The following CYRIA variants were observed in gnomAD, a reference collection of about 807,000 sequenced individuals.
The protein encoded by CYRIA is CYFIP-related Rac1 interactor A.
A neutral mutation model predicts 43.9 loss-of-function variants in CYRIA; 15 were observed. That is an observed-to-expected ratio of 0.34 (90% CI 0.23 to 0.53). The LOEUF (loss-of-function observed/expected upper bound fraction) is 0.53. CYRIA is among the 20% of genes least tolerant of loss of function. The pLI is 0.94. For missense variants in CYRIA, 236 were observed against 394.2 expected, an observed-to-expected ratio of 0.60 and a Z score of 3.40; for synonymous variants, 117 against 136.0, an observed-to-expected ratio of 0.86 and a Z score of 0.97.
chr2:16,557,868 T>C (rs1370565887), intron 10 of CYRIA, among the ~76,000 whole-genome samples: 1 of 152,114 alleles, frequency 6.6e-6, no homozygotes, highest in Non-Finnish European at 1.5e-5. Context: ...ATCTTATGAG[T>C]CTCAGGTAAT....
chr2:16,647,521 C>T (rs552445921), intron 1 of CYRIA, among the ~76,000 whole-genome samples: 12 of 152,284 alleles, frequency 7.9e-5, no homozygotes, highest in African/African-American at 2.4e-4. Context: ...GCTTAGCACA[C>T]GATGTGTCCT....
chr2:16,582,365 A>C (rs1667581068), intron 3 of CYRIA, among the ~76,000 whole-genome samples: 1 of 152,240 alleles, frequency 6.6e-6, no homozygotes, highest in South Asian at 2.1e-4. Context: ...GATTTAATTC[A>C]CGTGCCATAC....
At chr2:16,560,145 T>A (rs145753256) in intron 9 of CYRIA, among the ~76,000 whole-genome samples, 2 of 152,192 alleles carry the variant, frequency 1.3e-5, no homozygotes, top group African/African-American at 2.4e-5. Context: ...ATGATTCAGA[T>A]AATTCAGGCC....
At chr2:16,566,745 C>T (rs1283562216) in intron 3 of CYRIA, among the ~76,000 whole-genome samples, 3 of 152,144 alleles carry the variant, frequency 2.0e-5, no homozygotes, top group African/African-American at 7.2e-5. Context: ...TATTCTTGTT[C>T]CCGTGAGCAT....
intron 1 of CYRIA, among the ~76,000 whole-genome samples, chr2:16,635,416 T>C (rs1669465556): frequency 6.6e-6 from 1 of 152,226 alleles, no homozygotes; most frequent in South Asian, 2.1e-4. Context: ...CCACGGATGC[T>C]ACAGGTTTAC....
At chr2:16,556,097 T>C (rs528007778) in intron 10 of CYRIA, among the ~76,000 whole-genome samples, 1 of 152,286 alleles carries the variant, frequency 6.6e-6, no homozygotes, top group South Asian at 2.1e-4. Context: ...TGCTGTTATA[T>C]ATTGGATTTG....
chr2:16,638,539 AG>A (rs1167765050), intron 1 of CYRIA, among the ~76,000 whole-genome samples: 1 of 152,122 alleles, frequency 6.6e-6, no homozygotes. Flanking sequence ...AAAATGAACA[AG>A]TGACAAACCT....
chr2:16,626,335 G>A (rs564835488), intron 1 of CYRIA, among the ~76,000 whole-genome samples: 1 of 151,978 alleles, frequency 6.6e-6, no homozygotes, highest in Non-Finnish European at 1.5e-5. Flanking sequence ...CCAGAGCAGC[G>A]GTCAGGAAAC....
chr2:16,618,776 T>G (rs956007804), intron 2 of CYRIA, among the ~76,000 whole-genome samples: 9 of 152,234 alleles, frequency 5.9e-5, no homozygotes, highest in Non-Finnish European at 1.3e-4. Flanking sequence ...TGAAAGCATG[T>G]GAGCGGACCC....
chr2:16,620,740 T>C (rs552399283), intron 2 of CYRIA, among the ~76,000 whole-genome samples: 8 of 152,282 alleles, frequency 5.3e-5, no homozygotes, highest in Non-Finnish European at 1.2e-4. Context: ...AGTCCCTTGG[T>C]CTCTCAGACT....
At chr2:16,602,453 A>C (rs569817828) in intron 2 of CYRIA, among the ~76,000 whole-genome samples, 2 of 152,330 alleles carry the variant, frequency 1.3e-5, no homozygotes, top group East Asian at 3.9e-4. Context: ...ATCTTTGTCA[A>C]AGATGTGTCT....
intron 1 of CYRIA, among the ~76,000 whole-genome samples, chr2:16,635,667 G>A (rs996866176): frequency 4.6e-5 from 7 of 152,176 alleles, no homozygotes; most frequent in African/African-American, 1.4e-4. Context: ...GACACGGTGT[G>A]AAGTTCTAGC....
chr2:16,665,024 C>A (rs953519827), intron 1 of CYRIA, among the ~76,000 whole-genome samples: 5 of 152,112 alleles, frequency 3.3e-5, no homozygotes, highest in Admixed American at 6.5e-5. Context: ...TCTCTGGGGA[C>A]ACTGGCTAGC....
intron 4 of CYRIA, among the ~76,000 whole-genome samples, chr2:16,564,850 AT>A (rs1240704301): frequency 2.0e-5 from 3 of 152,206 alleles, no homozygotes; most frequent in Non-Finnish European, 4.4e-5. Context: ...TTTTCTGTTA[AT>A]TTTAGAAAAT....
intron 1 of CYRIA, among the ~76,000 whole-genome samples, chr2:16,642,911 G>A (rs566432843): frequency 7.9e-5 from 12 of 151,822 alleles, no homozygotes; most frequent in Admixed American, 2.0e-4. Context: ...TCCTTGGTTC[G>A]GCTCCATTTT....
intron 2 of CYRIA, among the ~76,000 whole-genome samples, chr2:16,608,441 T>A (rs1398901805): frequency 6.6e-6 from 1 of 152,178 alleles, no homozygotes; most frequent in East Asian, 1.9e-4. Flanking sequence ...GAATCCCTCA[T>A]CTATTTTAAG....
chr2:16,648,624 G>A (rs1669885332), intron 1 of CYRIA, among the ~76,000 whole-genome samples: 1 of 152,214 alleles, frequency 6.6e-6, no homozygotes, highest in Non-Finnish European at 1.5e-5. Context: ...ATTTGGCTTT[G>A]CTGTTTTCTA....
At chr2:16,571,642 CT>C (rs1160613735) in intron 3 of CYRIA, among the ~76,000 whole-genome samples, 2 of 152,172 alleles carry the variant, frequency 1.3e-5, no homozygotes, top group African/African-American at 2.4e-5. Context: ...ATAGAGATGT[CT>C]TTGGTTTTGA....
chr2:16,620,765 C>G (rs1230506632), intron 2 of CYRIA, among the ~76,000 whole-genome samples: 1 of 152,198 alleles, frequency 6.6e-6, no homozygotes, highest in African/African-American at 2.4e-5. Flanking sequence ...TCTCCACATT[C>G]CACAGTCTCA....
Sources: gnomAD v4.1 joint callset for allele counts (sites outside exome capture counted in the v4.1 genomes callset) on GRCh38, gnomAD v4.1.1 for gene constraint, MANE v1.5 for transcripts, NCBI Gene and HGNC (gene_info 2026-07-23, HGNC 2026-07-21) for gene names.